Variants in TMEM131L observed in about 807,000 individuals in gnomAD.
The protein encoded by TMEM131L is transmembrane protein 131-like.
Under a neutral mutation model 192.2 loss-of-function variants are expected in TMEM131L, and 54 were observed. The ratio of observed to expected loss-of-function variants is 0.28; its 90% CI spans 0.23 to 0.35. The LOEUF (loss-of-function observed/expected upper bound fraction) is 0.35, where lower values mean the gene tolerates loss of function less well. TMEM131L is among the 10% of genes least tolerant of loss of function. The pLI is 1.00. For synonymous variants in TMEM131L, 701 were observed against 704.9 expected (o/e 0.99, Z 0.09); for missense variants, 1,888 against 1,972.9 (o/e 0.96, Z 0.82).
chr4:153,505,774 G>T (rs1580093605), intron 3 of TMEM131L, among the ~76,000 whole-genome samples: 1 of 152,146 alleles, frequency 6.6e-6, no homozygotes, highest in East Asian at 1.9e-4. Context: ...TTCAGAAAAA[G>T]AGAGCTAATT....
chr4:153,576,195 C>T (rs1271464190), intron 7 of TMEM131L, among the ~76,000 whole-genome samples: 1 of 152,104 alleles, frequency 6.6e-6, no homozygotes, highest in Non-Finnish European at 1.5e-5. Context: ...CTCCTGACCT[C>T]GTGATCTGCC....
intron 1 of TMEM131L, among the ~76,000 whole-genome samples, chr4:153,466,926 G>A (rs568198616): frequency 2.0e-5 from 3 of 152,248 alleles, no homozygotes; most frequent in African/African-American, 7.2e-5. Flanking sequence ...TGCGGAGCCC[G>A]GAGTGCCTCG....
Position 153,622,987 on chromosome 4 carries a change from C to A in TMEM131L, c.3949C>A (p.Arg1317Ser), listed in dbSNP as rs1256350414. ...SDCGSSSGSV[R>S]ASRGSWGSWS... Reference sequence around the variant, plus strand: ...CTGTGGGAGCTCCTCTGGCAGCGTGCGTGCCAGCCGGGGCAGCTGGGGGAG... The same window carrying A: ...CTGTGGGAGCTCCTCTGGCAGCGTGAGTGCCAGCCGGGGCAGCTGGGGGAG... Residue 1317 changes from arginine (R) to serine (S), a missense_variant, in exon 29 of 35, where the codon CGT becomes AGT. Arg to Ser is a moderately radical substitution (Grantham distance 110, BLOSUM62 -1). Coordinates refer to ENST00000409959, the MANE Select transcript of TMEM131L (RefSeq NM_001131007.2). 1.2e-6 allele frequency: 2 copies of A among 1,613,960 alleles called. No homozygotes were observed. Among genetic ancestry groups the A allele is most frequent in the African/African-American group, 2.7e-5 (2 of 74,932 alleles).
At chr4:153,598,537 G>T in intron 20 of TMEM131L, 53 bp from the exon 21 acceptor site, 1 of 1,478,564 alleles carries the variant, frequency 6.8e-7, no homozygotes, top group Non-Finnish European at 9.4e-7. Context: ...TAAGTACATT[G>T]TACCTTGTGA....
chr4:153,581,661 T>G, intron 9 of TMEM131L, 101 bp downstream of exon 9: 1 of 721,552 alleles, frequency 1.4e-6, no homozygotes, highest in Non-Finnish European at 2.0e-6. Context: ...CCAAGACAAA[T>G]AGCCTTTGCT....
Position 153,604,225 on chromosome 4 carries a change from T to C in TMEM131L, c.3213T>C (p.Ser1071=), listed in dbSNP as rs1386831584. The C allele has an allele frequency of 6.2e-7, 1 of 1,614,074 alleles. No homozygotes were observed. The highest frequency in any genetic ancestry group is 1.7e-5 in the Admixed American group (1 of 60,012). Residue 1071 remains serine, a synonymous_variant, in exon 25 of 35, where the codon TCT becomes TCC. Transcript: ENST00000409959. The stretch of plus-strand genomic sequence containing the variant: ...ACACAATTGTTTTCAGTAATCCTTC[T>C]TCAGAATGTAGTATGAAGGAGGGAA... The part of the protein sequence containing the change: ...LKNTIVFSNP[S]SECSMKEGIQ...
At chr4:153,471,027 G>C (rs933036935) in intron 2 of TMEM131L, among the ~76,000 whole-genome samples, 5 of 148,678 alleles carry the variant, frequency 3.4e-5, no homozygotes, top group Admixed American at 2.0e-4. Flanking sequence ...TGCTCTTGTC[G>C]CCTAGGCTGG....
intron 18 of TMEM131L, 48 bp downstream of exon 18, chr4:153,592,632 G>T (rs765528705): frequency 1.6e-6 from 2 of 1,234,744 alleles, no homozygotes. Flanking sequence ...TACTTGGGAA[G>T]ACTTAGAATT....
intron 14 of TMEM131L, among the ~76,000 whole-genome samples, 190 bp downstream of exon 14, chr4:153,586,569 T>C (rs970414355): frequency 6.6e-6 from 1 of 152,116 alleles, no homozygotes; most frequent in Non-Finnish European, 1.5e-5. Context: ...TTGGAAAGAG[T>C]TTTCTTTTTT....
At chr4:153,533,295 T>G (rs1736059455) in intron 3 of TMEM131L, among the ~76,000 whole-genome samples, 2 of 152,186 alleles carry the variant, frequency 1.3e-5, no homozygotes, top group South Asian at 4.1e-4. Context: ...TCCTTCTTAA[T>G]TCTTTTATTT....
intron 25 of TMEM131L, 140 bp downstream of exon 25, chr4:153,604,570 A>G: frequency 2.3e-6 from 2 of 884,284 alleles, no homozygotes; most frequent in South Asian, 3.8e-5. Context: ...AAAAAGACAA[A>G]ATGAAAAGTT....
chr4:153,572,078 A>G (rs934249596), intron 7 of TMEM131L, among the ~76,000 whole-genome samples: 11 of 151,536 alleles, frequency 7.3e-5, no homozygotes, highest in African/African-American at 2.7e-4. Flanking sequence ...TAATAATTGT[A>G]CTTAGGTATG....
intron 19 of TMEM131L, among the ~76,000 whole-genome samples, chr4:153,595,826 A>C (rs957625267): frequency 6.6e-6 from 1 of 152,310 alleles, no homozygotes; most frequent in South Asian, 2.1e-4. Flanking sequence ...TTCTATATAA[A>C]CTTAAATTCA....
At chr4:153,503,160 A>G (rs1021355922) in intron 3 of TMEM131L, among the ~76,000 whole-genome samples, 20 of 152,210 alleles carry the variant, frequency 1.3e-4, no homozygotes, top group African/African-American at 4.8e-4. Context: ...TCACTTAGAA[A>G]CTTTCTCAAA....
intron 32 of TMEM131L, 118 bp downstream of exon 32, chr4:153,632,956 T>C: frequency 8.3e-7 from 1 of 1,198,664 alleles, no homozygotes. Context: ...TTCCTTGGTG[T>C]ACTTTAGCTG....
intron 2 of TMEM131L, 102 bp from the exon 3 acceptor site, chr4:153,473,743 G>A (rs1731323206): frequency 2.2e-6 from 2 of 890,018 alleles, no homozygotes; most frequent in Non-Finnish European, 3.5e-6. Context: ...AGTGAGCCGA[G>A]ACCCTGCCAT....
intron 29 of TMEM131L, among the ~76,000 whole-genome samples, chr4:153,625,933 A>C (rs986238090): frequency 6.6e-6 from 1 of 152,168 alleles, no homozygotes; most frequent in African/African-American, 2.4e-5. Flanking sequence ...ACAACAACAA[A>C]AAGAGATTGT....
At chr4:153,521,348 T>C (rs981433025) in intron 3 of TMEM131L, among the ~76,000 whole-genome samples, 1 of 152,300 alleles carries the variant, frequency 6.6e-6, no homozygotes, top group African/African-American at 2.4e-5. Flanking sequence ...TTCAAATGCG[T>C]GTCTCCTCTT....
chr4:153,517,423 C>A (rs1734811939), intron 3 of TMEM131L, among the ~76,000 whole-genome samples: 1 of 152,160 alleles, frequency 6.6e-6, no homozygotes, highest in African/African-American at 2.4e-5. Context: ...AATGTTTTTA[C>A]ATGACTGTGT....
Sources: allele counts gnomAD v4.1 joint callset (sites outside exome capture counted in the v4.1 genomes callset), GRCh38; gene constraint gnomAD v4.1.1; transcripts MANE v1.5; gene names NCBI Gene and HGNC (gene_info 2026-07-23, HGNC 2026-07-21).